C1orf167: variants seen among roughly 807,000 people sequenced by gnomAD.
The protein encoded by C1orf167 is chromosome 1 open reading frame 167, also known as uncharacterized protein C1orf167.
C1orf167 carries 153 observed loss-of-function variants against 176.5 expected under a neutral mutation model. The observed-to-expected ratio is 0.87, with a 90% CI of 0.76 to 0.99. The LOEUF is 0.99. Among genes scored for constraint, C1orf167 ranks in the 50% least tolerant of loss-of-function variants. C1orf167 has a pLI of 0.00. For synonymous variants in C1orf167, 594 were observed against 752.7 expected (o/e 0.79, Z 3.45); for missense variants, 1,490 against 1,817.7 (o/e 0.82, Z 3.28).
Position 11,765,856 on chromosome 1 carries a change from G to C in C1orf167, c.71-1G>C. 8.4e-7 allele frequency: 1 copy of C among 1,192,790 alleles called. No individual in the cohort carries two copies. Among genetic ancestry groups the C allele is most frequent in the Non-Finnish European group, 1.1e-6 (1 of 942,152 alleles). The allele number at this position is 1,192,790 out of a possible 1,614,324, so 73.9% of individuals were successfully genotyped here. On this transcript the variant is annotated splice_acceptor_variant, in intron 2 of 20. Coordinates refer to ENST00000688073, the MANE Select transcript of C1orf167 (RefSeq NM_001010881.2). LOFTEE classifies it high-confidence loss of function. The stretch of plus-strand genomic sequence containing the variant: ...GTCATGACTGTCTCTCCTCTCTTTA[G>C]AGCAACGAAGATTCCGGAGGAGCCT...
At chr1:11,774,521 G>T (rs988959104) in intron 8 of C1orf167, among the ~76,000 whole-genome samples, 1 of 152,200 alleles carries the variant, frequency 6.6e-6, no homozygotes, top group Non-Finnish European at 1.5e-5. Context: ...CCTAGACCAA[G>T]GTTCAGTGGT....
chr1:11,773,926 C>T (rs1367720767), intron 8 of C1orf167, among the ~76,000 whole-genome samples: 1 of 151,496 alleles, frequency 6.6e-6, no homozygotes. Context: ...AAAATAGAGA[C>T]AGGGTCTTAC....
At chr1:11,781,151 C>T (rs898894862) in intron 13 of C1orf167, among the ~76,000 whole-genome samples, 3 of 152,020 alleles carry the variant, frequency 2.0e-5, no homozygotes, top group Non-Finnish European at 4.4e-5. Context: ...GCGCCTGCCA[C>T]CACACCTGGC....
chr1:11,766,132 C>G lies in C1orf167; in HGVS notation c.346C>G (p.Arg116Gly). The change falls in exon 3 of 21, where the codon CGA becomes GGA. Residue 116 changes from arginine to glycine, a missense_variant. By Grantham distance (125) the Arg-to-Gly change is moderately radical (BLOSUM62 -2). Transcript: ENST00000688073. This position sits in a 1 kb window ranked among gnomAD's most constrained non-coding sequence, Gnocchi z 4.5. ...GGCCAGGAGGCGCCAAGGGAAGGCC[C>G]GAGAGTTTGCCATCCAGCAGAGCAA... ...SLARRRQGKA[R>G]EFAIQQSNLS... 1 of 1,289,816 alleles carries G rather than the reference C, an allele frequency of 7.8e-7. No homozygotes were observed. The highest frequency in any genetic ancestry group is 1.2e-5 in the South Asian group (1 of 81,030). The allele number at this position is 1,289,816 out of a possible 1,614,324, so 79.9% of individuals were successfully genotyped here.
chr1:11,765,969 G>C lies in C1orf167; in HGVS notation c.183G>C (p.Gly61=). The change falls in exon 3 of 21, where the codon GGG becomes GGC. Residue 61 remains glycine (G), a synonymous_variant. Coordinates refer to ENST00000688073, the MANE Select transcript of C1orf167 (RefSeq NM_001010881.2). ...GGCCTGCTGCCACACCCTCCCCAGG[G>C]GCAGTGCTAGACCAGGAGCCCTGCC... ...RGGPAATPSP[G]AVLDQEPCRV... The C allele has an allele frequency of 7.8e-7, 1 of 1,282,726 alleles. No individual in the cohort carries two copies. Among genetic ancestry groups the C allele is most frequent in the Non-Finnish European group, 1.0e-6 (1 of 984,200 alleles). 79.5% of individuals were successfully genotyped at this position (1,282,726 alleles called of 1,614,324 possible). A position where few individuals can be genotyped will look rare whatever the true frequency, so the allele number is the denominator to read the frequency against.
intron 13 of C1orf167, 97 bp downstream of exon 13, chr1:11,780,107 C>T: frequency 1.0e-6 from 1 of 954,256 alleles, no homozygotes; most frequent in Non-Finnish European, 1.4e-6. Flanking sequence ...TTGACTGTAA[C>T]CGCATGGGAG....
rs772069871 is a variant in C1orf167 at position 11,775,645 on chromosome 1, T to A, written c.2164+35T>A. 7.0e-6 allele frequency: 9 copies of A among 1,283,384 alleles called. 1 individual carries two copies. The highest frequency in any genetic ancestry group is 8.2e-6 in the Non-Finnish European group (8 of 978,820). The allele number at this position is 1,283,384 out of a possible 1,614,324, so 79.5% of individuals were successfully genotyped here. A position where few individuals can be genotyped will look rare whatever the true frequency, so the allele number is the denominator to read the frequency against. On this transcript the variant is annotated intron_variant, in intron 9 of 20. Transcript: ENST00000688073. ...TGTTGGCTTCCGCCCCAGCAAACCG[T>A]GTCACTTAAGCCCCTTCTTCAGTGG... is the stretch of plus-strand genomic sequence containing the variant.
chr1:11,787,401 G>C lies in C1orf167; in HGVS notation c.3581G>C (p.Trp1194Ser), dbSNP rs1250960105. Residue 1194 changes from tryptophan (W) to serine (S), a missense_variant, in exon 17 of 21, where the codon TGG becomes TCG. By Grantham distance (177) the Trp-to-Ser change is radical. Coordinates refer to ENST00000688073, the MANE Select transcript of C1orf167 (RefSeq NM_001010881.2). The stretch of plus-strand genomic sequence containing the variant: ...CTATTCCTTCAGACCCGCAGCTGCT[G>C]GACACAGGCCACAGAGCTGGTGCCT... ...LPGAGKTRSC[W>S]TQATELVPPA... 8.5e-6 allele frequency: 11 copies of C among 1,299,044 alleles called. No homozygotes were observed. The highest frequency in any genetic ancestry group is 1.1e-5 in the Non-Finnish European group (11 of 986,460). 80.5% of individuals were successfully genotyped at this position (1,299,044 alleles called of 1,614,324 possible). A position where few individuals can be genotyped will look rare whatever the true frequency, so the allele number is the denominator to read the frequency against.
chr1:11,776,118 G>A (rs1164145102), intron 9 of C1orf167, among the ~76,000 whole-genome samples: 1 of 152,198 alleles, frequency 6.6e-6, no homozygotes, highest in Non-Finnish European at 1.5e-5. Context: ...TTAGCCGGGT[G>A]TGGTGGCGCA....
At chr1:11,769,558 A>G (rs969630125) in intron 6 of C1orf167, among the ~76,000 whole-genome samples, 2 of 151,942 alleles carry the variant, frequency 1.3e-5, no homozygotes, top group Admixed American at 6.6e-5. Context: ...ACAGGTCAAG[A>G]CCCTGTCTCA....
chr1:11,764,589 A>C, intron 2 of C1orf167, 119 bp downstream of exon 2: 11 of 837,440 alleles, frequency 1.3e-5, no homozygotes, highest in Non-Finnish European at 1.7e-5. Flanking sequence ...TCCAGAGATC[A>C]GCCACCCACG....
intron 20 of C1orf167, 75 bp downstream of exon 20, chr1:11,788,821 C>T (rs1353050015): frequency 1.2e-5 from 15 of 1,258,468 alleles, no homozygotes; most frequent in East Asian, 5.7e-5. Context: ...GTGCCACAGC[C>T]ACGCACCGTG....
chr1:11,772,422 G>A (rs1045417002), intron 8 of C1orf167, among the ~76,000 whole-genome samples, 163 bp downstream of exon 8: 2 of 104,884 alleles, frequency 1.9e-5, no homozygotes, highest in Admixed American at 1.2e-4. Context: ...GTGCCACCAC[G>A]CACAGCTAAT....
chr1:11,776,424 A>AGTG (rs949726751), intron 9 of C1orf167, 40 bp from the exon 10 acceptor site: 10 of 1,284,488 alleles, frequency 7.8e-6, no homozygotes, highest in African/African-American at 6.1e-5. Context: ...GAGTGAGGTC[A>AGTG]GTGGGGAGGC....
rs1456321811 is a variant in C1orf167 at position 11,784,427 on chromosome 1, G to A, written c.3259G>A (p.Ala1087Thr). Residue 1087 changes from alanine (A) to threonine (T), a missense_variant, in exon 15 of 21, where the codon GCA becomes ACA. Coordinates refer to ENST00000688073, the MANE Select transcript of C1orf167 (RefSeq NM_001010881.2). ...KKARAPQAFPAWPVAPGMHHE... is the reference protein window; with the variant it reads ...KKARAPQAFPTWPVAPGMHHE... ...GGCCCGGGCCCCACAGGCCTTCCCA[G>A]CATGGCCAGTGGCCCCGGGCATGCA... is the stretch of plus-strand genomic sequence containing the variant. The A allele has an allele frequency of 3.8e-6, 5 of 1,303,634 alleles. No homozygotes were observed. In the African/African-American group the frequency reaches 7.6e-5, roughly 20 times the overall value. 80.8% of individuals were successfully genotyped at this position (1,303,634 alleles called of 1,614,324 possible).
In C1orf167 at chr1:11,762,306, G is replaced by C. The variant is rs375693761; in HGVS notation, c.-71+1G>C. ...GAGGACCCGAGGAGGACCCACGCAC[G>C]TGAGGGCAGATCCATGAGGGCAGGA... On this transcript the variant is annotated splice_donor_variant, in intron 1 of 20. Transcript: ENST00000688073. LOFTEE classifies it low-confidence loss of function (5UTR_SPLICE). The C allele has an allele frequency of 5.9e-5, 23 of 389,482 alleles. No individual in the cohort carries two copies. The highest frequency in any genetic ancestry group is 3.9e-4 in the African/African-American group (19 of 48,124). The allele number at this position is 389,482 out of a possible 1,614,324, so 24.1% of individuals were successfully genotyped here.
chr1:11,782,928 A>G (rs551879268), intron 14 of C1orf167, among the ~76,000 whole-genome samples: 2 of 150,874 alleles, frequency 1.3e-5, no homozygotes, highest in African/African-American at 4.9e-5. Context: ...CAAAAAAAAA[A>G]AAAAAAAAGG....
rs1202941514 is a variant in C1orf167, at chr1:11,765,899, G to A, written c.113G>A (p.Gly38Asp). 8.2e-7 allele frequency: 1 copy of A among 1,216,528 alleles called. No homozygotes were observed. The highest frequency in any genetic ancestry group is 1.0e-6 in the Non-Finnish European group (1 of 954,108). 75.4% of individuals were successfully genotyped at this position (1,216,528 alleles called of 1,614,324 possible). A position where few individuals can be genotyped will look rare whatever the true frequency, so the allele number is the denominator to read the frequency against. Residue 38 changes from glycine (G) to aspartate (D), a missense_variant, in exon 3 of 21, where the codon GGT becomes GAT. By Grantham distance (94) the Gly-to-Asp change is moderately conservative. Coordinates refer to ENST00000688073, the MANE Select transcript of C1orf167 (RefSeq NM_001010881.2). ...FRRSLGIGLS[G>D]RHDQWVPGCQ... ...AGGAGCCTGGGCATCGGCCTGAGTG[G>A]TAGACATGACCAGTGGGTGCCCGGG... is the stretch of plus-strand genomic sequence containing the variant.
Position 11,776,613 on chromosome 1 carries a change from C to T in C1orf167, c.2314C>T (p.Arg772Trp), listed in dbSNP as rs41275458. ...CTGGGCGCTGCTGCTGTGGAAGATG[C>T]GGCTTTTCCAGCGCCAGTGGGCCAA... ...LCWALLLWKM[R>W]LFQRQWANSF... The change falls in exon 10 of 21, where the codon CGG (arginine) becomes TGG (tryptophan). Residue 772 changes from arginine (R) to tryptophan (W), a missense_variant. Transcript: ENST00000688073. 5 of 1,201,974 alleles carry T rather than the reference C, an allele frequency of 4.2e-6. No individual in the cohort carries two copies. The highest frequency in any genetic ancestry group is 3.3e-5 in the African/African-American group (2 of 61,412). 74.5% of individuals were successfully genotyped at this position (1,201,974 alleles called of 1,614,324 possible).
Sources: allele counts gnomAD v4.1 joint callset (sites outside exome capture counted in the v4.1 genomes callset), GRCh38; gene constraint gnomAD v4.1.1; non-coding constraint Gnocchi (gnomAD v3.1); transcripts MANE v1.5; gene names NCBI Gene and HGNC (gene_info 2026-07-23, HGNC 2026-07-21).